Variants in DSCAM observed in about 807,000 individuals in gnomAD.
DSCAM encodes the protein cell adhesion molecule DSCAM.
Under a neutral mutation model 217.7 loss-of-function variants are expected in DSCAM, and 47 were observed. That is an observed-to-expected ratio of 0.22 (90% CI 0.17 to 0.28). The LOEUF is 0.28. DSCAM is among the 10% of genes least tolerant of loss of function. DSCAM has a pLI of 1.00. For missense variants in DSCAM, 2,080 were observed against 2,618.3 expected, an observed-to-expected ratio of 0.79 and a Z score of 4.49; for synonymous variants, 1,056 against 1,015.3, an observed-to-expected ratio of 1.04 and a Z score of -0.76.
intron 3 of DSCAM, among the ~76,000 whole-genome samples, chr21:40,495,770 T>C (rs377226918): frequency 6.6e-6 from 1 of 152,162 alleles, no homozygotes; most frequent in African/African-American, 2.4e-5. Context: ...ATATCTTTTA[T>C]GTAGAAAATT....
intron 1 of DSCAM, among the ~76,000 whole-genome samples, chr21:40,822,430 A>G (rs2091937357): frequency 6.8e-6 from 1 of 147,970 alleles, no homozygotes; most frequent in African/African-American, 2.5e-5. Context: ...ATTAGCTTAT[A>G]TTACCTCTGT....
intron 3 of DSCAM, among the ~76,000 whole-genome samples, chr21:40,495,024 A>G (rs2076106826): frequency 6.6e-6 from 1 of 152,184 alleles, no homozygotes; most frequent in Non-Finnish European, 1.5e-5. Context: ...CATACAACTT[A>G]CCAAGACTGA....
intron 3 of DSCAM, among the ~76,000 whole-genome samples, chr21:40,661,415 T>C (rs1025499985): frequency 2.0e-5 from 3 of 152,210 alleles, no homozygotes; most frequent in Non-Finnish European, 4.4e-5. Context: ...TGACTCTCTG[T>C]CCTTTTCTGT....
At chr21:40,121,681 C>CTTTTGTTTTTTTTTTT (rs2090035243) in intron 20 of DSCAM, among the ~76,000 whole-genome samples, 1 of 73,734 alleles carries the variant, frequency 1.4e-5, no homozygotes, top group African/African-American at 5.8e-5. Flanking sequence ...TCATTACTGT[C>CTTTTGTTTTTTTTTTT]TTTTTTTTTT....
intron 1 of DSCAM, among the ~76,000 whole-genome samples, chr21:40,738,039 G>C (rs896101384): frequency 1.3e-5 from 2 of 152,144 alleles, no homozygotes; most frequent in Admixed American, 1.3e-4. Flanking sequence ...CTACTAGTGG[G>C]AGGCATATGT....
chr21:40,843,938 A>G (rs970159076), intron 1 of DSCAM, among the ~76,000 whole-genome samples: 1 of 152,058 alleles, frequency 6.6e-6, no homozygotes, highest in Non-Finnish European at 1.5e-5. Context: ...GCTTATTTTA[A>G]TAGCCCCAAA....
intron 20 of DSCAM, among the ~76,000 whole-genome samples, chr21:40,095,755 C>CA (rs1332888816): frequency 6.6e-6 from 1 of 152,050 alleles, no homozygotes; most frequent in Non-Finnish European, 1.5e-5. Context: ...ATCAATCAAT[C>CA]AAAATTCACC....
At chr21:40,460,316 GA>G (rs2075796544) in intron 3 of DSCAM, among the ~76,000 whole-genome samples, 2 of 151,234 alleles carry the variant, frequency 1.3e-5, no homozygotes, top group Admixed American at 6.6e-5. Context: ...AAAGTTGGAA[GA>G]AAAAAATAAA....
intron 3 of DSCAM, among the ~76,000 whole-genome samples, chr21:40,512,100 G>A (rs2076263909): frequency 6.6e-6 from 1 of 151,646 alleles, no homozygotes; most frequent in South Asian, 2.1e-4. Context: ...AGGTTACACT[G>A]TTTTGCAAGA....
intron 20 of DSCAM, among the ~76,000 whole-genome samples, chr21:40,100,099 C>T (rs977378150): frequency 1.3e-5 from 2 of 152,118 alleles, no homozygotes; most frequent in African/African-American, 4.8e-5. Flanking sequence ...AGAGAGAGAA[C>T]CATAGGCATG....
In DSCAM at chr21:40,487,828, C is replaced by T. The variant is rs542945066; in HGVS notation, c.509-118583G>A. On this transcript the variant is annotated intron_variant, in intron 3 of 32. Coordinates refer to ENST00000400454, the MANE Select transcript of DSCAM (RefSeq NM_001389.5). ...TTGGCATGAGTTTTCATAGATGGTT[C>T]TGCTATTCACTGAGATAAGGAGCAC... 2.2e-4 allele frequency among the ~76,000 whole-genome samples: 33 copies of T among 152,218 alleles called. 2 individuals carry two copies. In the South Asian group the frequency reaches 6.2e-3, roughly 29 times the overall value.
At chr21:40,392,954 A>G (rs941814309) in intron 3 of DSCAM, among the ~76,000 whole-genome samples, 1 of 152,208 alleles carries the variant, frequency 6.6e-6, no homozygotes, top group Non-Finnish European at 1.5e-5. Flanking sequence ...ATCAAGTACT[A>G]AAAAGATCAA....
chr21:40,339,068 C>T (rs771456090), intron 7 of DSCAM, 51 bp downstream of exon 7: 2 of 1,593,192 alleles, frequency 1.3e-6, no homozygotes, highest in South Asian at 2.3e-5. Context: ...ATCTTCTTCT[C>T]CACTATAATG....
intron 3 of DSCAM, among the ~76,000 whole-genome samples, chr21:40,677,308 A>C (rs1324158857): frequency 6.6e-6 from 1 of 152,100 alleles, no homozygotes; most frequent in African/African-American, 2.4e-5. Context: ...AATGCAATTT[A>C]GGTTGAAAAA....
In DSCAM at chr21:40,700,334, C is replaced by T. The variant is rs74424120; in HGVS notation, c.362-7378G>A. Among the ~76,000 whole-genome samples, 223 of 152,252 alleles carry T rather than the reference C, an allele frequency of 1.5e-3. 3 individuals carry two copies. In the East Asian group the frequency reaches 0.039, roughly 26 times the overall value. ...ATGATGTTCGCTATAGCAGGATTTT[C>T]GTAGTTGCTTTTTATCAGATTGAGG... is the stretch of plus-strand genomic sequence containing the variant. On this transcript the variant is annotated intron_variant, in intron 2 of 32. Transcript: ENST00000400454.
In DSCAM at chr21:40,055,957, G is replaced by A. The variant is rs1026958848; in HGVS notation, c.4920-117C>T. ...TAAATATACAAATACCTTGTGAGGA[G>A]GGGAACAGAAAACGTACATACTATG... is the stretch of plus-strand genomic sequence containing the variant. On this transcript the variant is annotated intron_variant, in intron 28 of 32. Coordinates refer to ENST00000400454, the MANE Select transcript of DSCAM (RefSeq NM_001389.5). The A allele has an allele frequency of 1.5e-5, 10 of 679,678 alleles. No individual in the cohort carries two copies. The African/African-American group carries it at 1.8e-4, about 12-fold the overall frequency. The allele number at this position is 679,678 out of a possible 1,614,324, so 42.1% of individuals were successfully genotyped here. A position where few individuals can be genotyped will look rare whatever the true frequency, so the allele number is the denominator to read the frequency against.
Position 40,030,810 on chromosome 21 carries a change from C to T in DSCAM, c.5686+11561G>A, listed in dbSNP as rs557688206. Among the ~76,000 whole-genome samples the T allele has an allele frequency of 7.9e-5, 12 of 152,160 alleles. 1 individual carries two copies. In the South Asian group the frequency reaches 2.5e-3, roughly 32 times the overall value. ...TTTCAGTGTCTTCTTAGTAACTCTCCCTCAGACTCAGAAAGTGACAGTAGG... is the reference window on the plus strand; with the variant it reads ...TTTCAGTGTCTTCTTAGTAACTCTCTCTCAGACTCAGAAAGTGACAGTAGG... On this transcript the variant is annotated intron_variant, in intron 32 of 32. Transcript: ENST00000400454.
intron 3 of DSCAM, among the ~76,000 whole-genome samples, chr21:40,490,018 T>C (rs896554250): frequency 6.6e-6 from 1 of 152,138 alleles, no homozygotes; most frequent in Non-Finnish European, 1.5e-5. Context: ...CTGTTCCACA[T>C]GGCTAGGGAG....
chr21:40,703,893 A>AT (rs540291695), intron 2 of DSCAM, among the ~76,000 whole-genome samples: 37 of 151,384 alleles, frequency 2.4e-4, no homozygotes, highest in South Asian at 2.1e-3. Flanking sequence ...ATAAAGCTTG[A>AT]TTTTTTTTTA....
Sources: allele counts gnomAD v4.1 joint callset (sites outside exome capture counted in the v4.1 genomes callset), GRCh38; gene constraint gnomAD v4.1.1; transcripts MANE v1.5; gene names NCBI Gene and HGNC (gene_info 2026-07-23, HGNC 2026-07-21).